The following PTK2 variants were observed in gnomAD, a reference collection of about 807,000 sequenced individuals.
PTK2 encodes the protein protein tyrosine kinase 2.
In PTK2, 45 loss-of-function variants were observed where a neutral mutation model predicts 150.1. That is an observed-to-expected ratio of 0.30 (90% CI 0.24 to 0.38). PTK2 has a LOEUF of 0.38. Ranked by LOEUF, PTK2 falls within the 10% of genes least tolerant of loss-of-function variation. The pLI is 1.00. For missense variants in PTK2, 919 were observed against 1,307.3 expected (o/e 0.70, Z 4.58); for synonymous variants, 432 against 449.2 (o/e 0.96, Z 0.48).
intron 7 of PTK2, among the ~76,000 whole-genome samples, chr8:140,837,952 C>T (rs987366563): frequency 1.3e-5 from 2 of 151,636 alleles, no homozygotes; most frequent in African/African-American, 4.9e-5. Flanking sequence ...ATCCCAGCTA[C>T]TTAGGAGGCT....
intron 14 of PTK2, among the ~76,000 whole-genome samples, chr8:140,769,844 C>G (rs1356518805): frequency 6.6e-6 from 1 of 152,206 alleles, no homozygotes; most frequent in Non-Finnish European, 1.5e-5. Context: ...CATGAAGTTA[C>G]ACAGCTAAAG....
At chr8:140,957,371 T>C (rs1252003796) in intron 1 of PTK2, among the ~76,000 whole-genome samples, 1 of 152,188 alleles carries the variant, frequency 6.6e-6, no homozygotes, top group East Asian at 1.9e-4. Flanking sequence ...GCTCACATTG[T>C]ACTGCTGTAC....
At chr8:140,930,811 C>T (rs2100171410) in intron 1 of PTK2, among the ~76,000 whole-genome samples, 2 of 152,136 alleles carry the variant, frequency 1.3e-5, no homozygotes, top group African/African-American at 2.4e-5. Flanking sequence ...CAGTGACTCA[C>T]ATCTGTAATC....
chr8:140,827,096 T>A (rs1019661718), intron 8 of PTK2, among the ~76,000 whole-genome samples: 1 of 152,098 alleles, frequency 6.6e-6, no homozygotes, highest in South Asian at 2.1e-4. Context: ...CAAATTTATA[T>A]TCTAGAATCC....
At chr8:140,873,529 G>T (rs747567771) in intron 4 of PTK2, among the ~76,000 whole-genome samples, 1 of 151,956 alleles carries the variant, frequency 6.6e-6, no homozygotes, top group East Asian at 1.9e-4. Context: ...GGAGTGGCAC[G>T]ATCTCGGCTC....
rs945931266 is a variant in PTK2, at chr8:140,733,762, T to C, written c.2030+1489A>G. 4.8e-4 allele frequency among the ~76,000 whole-genome samples: 73 copies of C among 152,274 alleles called. 1 individual carries two copies. In the Middle Eastern group the frequency reaches 0.014, roughly 28 times the overall value. On this transcript the variant is annotated intron_variant, in intron 22 of 31. Transcript: ENST00000522684. ...TGTTTAGAATTACCCTGAAGGCCTATCGTGTGAAAGGCAGAGTAGGGTTGT... is the reference window on the plus strand; with the variant it reads ...TGTTTAGAATTACCCTGAAGGCCTACCGTGTGAAAGGCAGAGTAGGGTTGT...
chr8:140,692,148 G>A (rs554679823), intron 26 of PTK2, among the ~76,000 whole-genome samples: 5 of 152,128 alleles, frequency 3.3e-5, no homozygotes, highest in Non-Finnish European at 7.4e-5. Flanking sequence ...CCTAAAGACA[G>A]GATTTTAATT....
At chr8:140,732,650 GAA>G (rs2100050211) in intron 22 of PTK2, 1 of 486,986 alleles carries the variant, frequency 2.1e-6, no homozygotes, top group Non-Finnish European at 4.2e-6. Flanking sequence ...TCGAGGGCAG[GAA>G]AAGTGTTTTA....
At chr8:140,949,765 G>A (rs1249270974) in intron 1 of PTK2, among the ~76,000 whole-genome samples, 2 of 152,170 alleles carry the variant, frequency 1.3e-5, no homozygotes, top group African/African-American at 4.8e-5. Flanking sequence ...GGTGGGAGAA[G>A]GCAGAAAGGC....
At chr8:140,758,613 G>T (rs2100067307) in intron 16 of PTK2, among the ~76,000 whole-genome samples, 1 of 152,102 alleles carries the variant, frequency 6.6e-6, no homozygotes, top group East Asian at 1.9e-4. Context: ...TAATGTATGT[G>T]TTTGTGTCTT....
chr8:140,697,107 C>T (rs1313806746), intron 26 of PTK2, among the ~76,000 whole-genome samples: 1 of 128,872 alleles, frequency 7.8e-6, no homozygotes, highest in Non-Finnish European at 1.6e-5. Flanking sequence ...GCACTTTACC[C>T]TGGGTGACAG....
At chr8:140,730,693 A>T (rs982559246) in intron 22 of PTK2, among the ~76,000 whole-genome samples, 2 of 152,222 alleles carry the variant, frequency 1.3e-5, no homozygotes, top group African/African-American at 4.8e-5. Flanking sequence ...TTTTAAAGTG[A>T]TAATTGTGTT....
intron 4 of PTK2, among the ~76,000 whole-genome samples, chr8:140,865,636 A>C (rs932018639): frequency 2.0e-5 from 3 of 152,234 alleles, no homozygotes; most frequent in South Asian, 2.1e-4. Flanking sequence ...AAAATTGCCA[A>C]ACAATTCGGT....
At chr8:140,941,882 T>C (rs2100175932) in intron 1 of PTK2, among the ~76,000 whole-genome samples, 1 of 148,714 alleles carries the variant, frequency 6.7e-6, no homozygotes, top group South Asian at 2.1e-4. Flanking sequence ...ACTTTTTGTT[T>C]GTTTGTTTGT....
At chr8:140,989,212 TAAAAAAAAAAAAAAAAA>T (rs71310816) in intron 1 of PTK2, among the ~76,000 whole-genome samples, 7 of 60,582 alleles carry the variant, frequency 1.2e-4, no homozygotes, top group African/African-American at 4.6e-4. Context: ...ACCCTGTCTC[TAAAAAAAAAAAAAAAAA>T]AAAAAAAAAA....
chr8:140,685,318 C>G (rs1441716935), intron 27 of PTK2, among the ~76,000 whole-genome samples: 2 of 152,190 alleles, frequency 1.3e-5, no homozygotes, highest in Non-Finnish European at 2.9e-5. Context: ...AAATACTATT[C>G]TGGACATAGG....
intron 1 of PTK2, chr8:140,927,204 A>G (rs908852846): frequency 3.9e-5 from 6 of 152,260 alleles, no homozygotes; most frequent in African/African-American, 1.2e-4. Context: ...GCAATCCAGT[A>G]GTTACTTAAC....
intron 7 of PTK2, among the ~76,000 whole-genome samples, chr8:140,841,328 T>C (rs2100122211): frequency 6.6e-6 from 1 of 152,108 alleles, no homozygotes; most frequent in South Asian, 2.1e-4. Flanking sequence ...TAGGGGAAAA[T>C]GATCTTATTC....
chr8:140,992,258 C>T (rs2154610278), intron 1 of PTK2, among the ~76,000 whole-genome samples: 1 of 150,136 alleles, frequency 6.7e-6, no homozygotes, highest in African/African-American at 2.4e-5. Context: ...CGCCACTGCC[C>T]TCCAGCCTGG....
Sources: allele counts gnomAD v4.1 joint callset (sites outside exome capture counted in the v4.1 genomes callset), GRCh38; gene constraint gnomAD v4.1.1; transcripts MANE v1.5; gene names NCBI Gene and HGNC (gene_info 2026-07-23, HGNC 2026-07-21).